Variants in KCNIP4 observed in about 807,000 individuals in gnomAD.
KCNIP4 encodes the protein potassium voltage-gated channel interacting protein 4.
Under a neutral mutation model 34.0 loss-of-function variants are expected in KCNIP4, and 12 were observed. That is an observed-to-expected ratio of 0.35 (90% CI 0.23 to 0.57). KCNIP4 has a LOEUF of 0.57. KCNIP4 is among the 20% of genes least tolerant of loss of function. The pLI is 0.83. For synonymous variants in KCNIP4, 124 were observed against 102.2 expected (o/e 1.21, Z -1.29); for missense variants, 238 against 311.7 (o/e 0.76, Z 1.78).
chr4:21,613,108 T>C (rs1744291633), intron 1 of KCNIP4, among the ~76,000 whole-genome samples: 1 of 152,166 alleles, frequency 6.6e-6, no homozygotes, highest in Non-Finnish European at 1.5e-5. Context: ...GAGTAATTGA[T>C]ATTTCTCCCA....
chr4:21,847,243 A>C (rs2109329980), intron 1 of KCNIP4: 1 of 152,240 alleles, frequency 6.6e-6, no homozygotes, highest in African/African-American at 2.4e-5. Flanking sequence ...AAAATGCAAT[A>C]GTTGAAATAC....
chr4:21,813,645 A>G (rs1419441776), intron 1 of KCNIP4, among the ~76,000 whole-genome samples: 5 of 152,212 alleles, frequency 3.3e-5, no homozygotes, highest in Admixed American at 2.0e-4. Flanking sequence ...CAGGCAAACT[A>G]ATGCAAATAT....
intron 4 of KCNIP4, among the ~76,000 whole-genome samples, chr4:20,755,608 GAAATATATAT>G (rs1754341794): frequency 6.6e-6 from 1 of 152,156 alleles, no homozygotes; most frequent in South Asian, 2.1e-4. Context: ...TGGTACAAGT[GAAATATATAT>G]TATTGGATTG....
intron 1 of KCNIP4, among the ~76,000 whole-genome samples, chr4:21,739,834 A>C (rs930200661): frequency 2.0e-5 from 3 of 152,146 alleles, no homozygotes; most frequent in African/African-American, 7.2e-5. Flanking sequence ...ATTATGCAAA[A>C]GAAGAAAACA....
chr4:20,837,069 T>C (rs1194887693), intron 3 of KCNIP4, among the ~76,000 whole-genome samples: 2 of 152,174 alleles, frequency 1.3e-5, no homozygotes, highest in Non-Finnish European at 2.9e-5. Context: ...CGATGCTTAA[T>C]ATGTGTTTGT....
chr4:21,322,123 A>AC lies in KCNIP4; in HGVS notation c.62-439415_62-439414insG, dbSNP rs1432109346. ...AAAAGAGGAAGGGAAGGAAGAAAGG[A>AC]AGAAGGAAGGAAGGAGGGAGGGAGG... On this transcript the variant is annotated intron_variant, in intron 1 of 8. Transcript: ENST00000382152. Among the ~76,000 whole-genome samples the AC allele has an allele frequency of 3.1e-4, 43 of 137,836 alleles. No individual in the cohort carries two copies. In the South Asian group the frequency reaches 9.6e-3, roughly 31 times the overall value. 90.4% of individuals were successfully genotyped at this position (137,836 alleles called of 152,430 possible). A position where few individuals can be genotyped will look rare whatever the true frequency, so the allele number is the denominator to read the frequency against.
intron 1 of KCNIP4, among the ~76,000 whole-genome samples, chr4:21,522,082 G>A (rs564551535): frequency 4.6e-5 from 7 of 152,234 alleles, no homozygotes; most frequent in Non-Finnish European, 1.0e-4. Context: ...AGTTACTGCT[G>A]CATTAATAGA....
intron 1 of KCNIP4, among the ~76,000 whole-genome samples, chr4:21,477,432 T>C (rs73252214): frequency 0.16 from 24,259 of 152,086 alleles, 2,099 homozygotes; most frequent in Admixed American, 0.22. Context: ...CTTTTCTGGA[T>C]TCTGAAGTTA....
At chr4:21,029,312 G>A (rs772035775) in intron 1 of KCNIP4, among the ~76,000 whole-genome samples, 13 of 152,132 alleles carry the variant, frequency 8.5e-5, no homozygotes, top group African/African-American at 1.7e-4. Flanking sequence ...TTTCCTGAGT[G>A]CAAAGTTGTT....
At chr4:21,603,284 T>C (rs1189856021) in intron 1 of KCNIP4, among the ~76,000 whole-genome samples, 2 of 152,070 alleles carry the variant, frequency 1.3e-5, no homozygotes, top group Non-Finnish European at 2.9e-5. Flanking sequence ...GCAAGTCACA[T>C]AAAGCCATAA....
rs117169904 is a variant in KCNIP4 at position 21,001,161 on chromosome 4, C to T, written c.62-118452G>A. Among the ~76,000 whole-genome samples, 49 of 152,280 alleles carry T rather than the reference C, an allele frequency of 3.2e-4. 1 individual carries two copies. The East Asian group carries it at 7.9e-3, about 25-fold the overall frequency. ...TGAAATATCTACCGAAAGCAACAAA[C>T]ATTTACCTTCATGAATACACATGGT... On this transcript the variant is annotated intron_variant, in intron 1 of 8. Transcript: ENST00000382152.
At position 21,923,533 on chromosome 4, in the gene KCNIP4, A is replaced by T. The variant is rs76375636; in HGVS notation, c.61+25038T>A. Among the ~76,000 whole-genome samples the T allele has an allele frequency of 4.9e-3, 751 of 152,298 alleles. 43 individuals carry two copies. In the East Asian group the frequency reaches 0.12, roughly 24 times the overall value. ...GAGGTAGAGATTGAAGTGAGCCAAGATCATGCCATTGCACTCCAGCCTAGG... is the reference window on the plus strand; with the variant it reads ...GAGGTAGAGATTGAAGTGAGCCAAGTTCATGCCATTGCACTCCAGCCTAGG... On this transcript the variant is annotated intron_variant, in intron 1 of 8. Transcript: ENST00000382152.
At chr4:21,679,994 G>C (rs1328501175) in intron 1 of KCNIP4, among the ~76,000 whole-genome samples, 1 of 152,178 alleles carries the variant, frequency 6.6e-6, no homozygotes, top group African/African-American at 2.4e-5. Flanking sequence ...GAGGTGTCTA[G>C]TGTAATTCTT....
intron 1 of KCNIP4, among the ~76,000 whole-genome samples, chr4:21,770,294 G>A (rs55819721): frequency 0.15 from 22,573 of 151,986 alleles, 5,634 homozygotes; most frequent in African/African-American, 0.51. Flanking sequence ...AAAAGATATG[G>A]CCTCATTCCT....
chr4:21,040,853 T>A (rs546605837), intron 1 of KCNIP4, among the ~76,000 whole-genome samples: 12 of 151,996 alleles, frequency 7.9e-5, no homozygotes, highest in Non-Finnish European at 1.5e-4. Flanking sequence ...AGAAGCGTTT[T>A]TTTTTCTAAG....
chr4:20,807,360 C>T (rs909168578), intron 3 of KCNIP4, among the ~76,000 whole-genome samples: 2 of 152,124 alleles, frequency 1.3e-5, no homozygotes, highest in African/African-American at 2.4e-5. Flanking sequence ...AATCACATGG[C>T]ACTTTTCAGA....
chr4:21,885,955 C>T (rs1726740688), intron 1 of KCNIP4, among the ~76,000 whole-genome samples: 1 of 152,090 alleles, frequency 6.6e-6, no homozygotes, highest in Admixed American at 6.6e-5. Flanking sequence ...TCTATTACGC[C>T]TGCAGTTTTC....
chr4:21,854,794 T>C (rs1228432130), intron 1 of KCNIP4, among the ~76,000 whole-genome samples: 1 of 152,220 alleles, frequency 6.6e-6, no homozygotes, highest in Non-Finnish European at 1.5e-5. Flanking sequence ...TGGATCTCCC[T>C]ATTTCTTCTT....
At chr4:21,151,378 A>G (rs1752737306) in intron 1 of KCNIP4, among the ~76,000 whole-genome samples, 1 of 145,742 alleles carries the variant, frequency 6.9e-6, no homozygotes, top group African/African-American at 2.6e-5. Context: ...ACTAAATACC[A>G]TAGAATGGAT....
Sources: allele counts gnomAD v4.1 joint callset (sites outside exome capture counted in the v4.1 genomes callset), GRCh38; gene constraint gnomAD v4.1.1; transcripts MANE v1.5; gene names NCBI Gene and HGNC (gene_info 2026-07-23, HGNC 2026-07-21).